The following ATP8A2 variants were observed in gnomAD, a reference collection of about 807,000 sequenced individuals.
ATP8A2 encodes the protein ATPase phospholipid transporting 8A2.
ATP8A2 carries 100 observed loss-of-function variants against 165.6 expected under a neutral mutation model. The ratio of observed to expected loss-of-function variants is 0.60; its 90% CI spans 0.51 to 0.71. ATP8A2 has a LOEUF of 0.71. ATP8A2 is among the 30% of genes least tolerant of loss of function. ATP8A2 has a pLI of 0.00. For synonymous variants in ATP8A2, 543 were observed against 548.8 expected (o/e 0.99, Z 0.15); for missense variants, 1,227 against 1,479.5 (o/e 0.83, Z 2.80).
chr13:25,874,420 A>G (rs1952768806), intron 33 of ATP8A2, among the ~76,000 whole-genome samples: 1 of 152,168 alleles, frequency 6.6e-6, no homozygotes, highest in Admixed American at 6.5e-5. Context: ...ACGTGCTCCT[A>G]TTGTATGTTC....
intron 1 of ATP8A2, among the ~76,000 whole-genome samples, chr13:25,415,937 T>G (rs2138079285): frequency 6.6e-6 from 1 of 152,288 alleles, no homozygotes; most frequent in South Asian, 2.1e-4. Flanking sequence ...CAAGGGATCC[T>G]TCTGCTTCAG....
intron 24 of ATP8A2, among the ~76,000 whole-genome samples, chr13:25,697,405 G>C (rs1391672005): frequency 6.6e-6 from 1 of 152,074 alleles, no homozygotes; most frequent in Non-Finnish European, 1.5e-5. Flanking sequence ...TCAGACTCCT[G>C]AGTAGCTGGG....
At chr13:25,639,155 A>G (rs2041448797) in intron 24 of ATP8A2, among the ~76,000 whole-genome samples, 1 of 152,194 alleles carries the variant, frequency 6.6e-6, no homozygotes, top group Non-Finnish European at 1.5e-5. Context: ...AACATGCCAA[A>G]TTGTAAAGAC....
At chr13:25,738,346 CCCCCCA>C (rs893301785) in intron 25 of ATP8A2, among the ~76,000 whole-genome samples, 47 of 131,652 alleles carry the variant, frequency 3.6e-4, no homozygotes, top group Middle Eastern at 8.5e-3. Flanking sequence ...CCCCTCCCCC[CCCCCCA>C]CACACACTTC....
rs762709201 is a variant in ATP8A2, at chr13:25,570,820, G to T, written c.1527G>T (p.Thr509=). ...TCACCCTTCTGGCCGTGTGCCACAC[G>T]GTTGTTCCTGAGAAGGATGGAGATA... The part of the protein sequence containing the change: ...EFLTLLAVCH[T]VVPEKDGDNI... Residue 509 remains threonine (T), a synonymous_variant, in exon 17 of 37, where the codon ACG becomes ACT. Coordinates refer to ENST00000381655, the MANE Select transcript of ATP8A2 (RefSeq NM_016529.6). 1 of 1,613,730 alleles carries T rather than the reference G, an allele frequency of 6.2e-7. No individual in the cohort carries two copies. The highest frequency in any genetic ancestry group is 1.1e-5 in the South Asian group (1 of 91,030).
chr13:25,526,894 G>T (rs566617542), intron 2 of ATP8A2, among the ~76,000 whole-genome samples: 398 of 152,288 alleles, frequency 2.6e-3, no homozygotes, highest in African/African-American at 9.4e-3. Flanking sequence ...TGGGGAAGCT[G>T]CCCGTCACCT....
chr13:25,858,449 C>T (rs999766147), intron 30 of ATP8A2, among the ~76,000 whole-genome samples: 11 of 152,154 alleles, frequency 7.2e-5, no homozygotes, highest in African/African-American at 2.4e-4. Flanking sequence ...GCAGCGGGGC[C>T]TCCGTTTAGT....
At chr13:25,547,107 G>A (rs1177994676) in intron 10 of ATP8A2, among the ~76,000 whole-genome samples, 1 of 151,984 alleles carries the variant, frequency 6.6e-6, no homozygotes, top group African/African-American at 2.4e-5. Context: ...TCCAGCCTGG[G>A]TGACAGAGCC....
intron 24 of ATP8A2, among the ~76,000 whole-genome samples, chr13:25,631,046 T>C (rs1266994740): frequency 4.6e-5 from 7 of 152,198 alleles, no homozygotes; most frequent in Non-Finnish European, 8.8e-5. Context: ...TCTTGAGTTG[T>C]TGACTGTGGG....
chr13:25,720,783 C>T (rs1593247162), intron 25 of ATP8A2, among the ~76,000 whole-genome samples: 1 of 152,252 alleles, frequency 6.6e-6, no homozygotes, highest in East Asian at 1.9e-4. Context: ...TTCATTCAGC[C>T]TTCAGCAATC....
intron 25 of ATP8A2, among the ~76,000 whole-genome samples, chr13:25,736,876 G>A (rs1490674246): frequency 6.6e-6 from 1 of 152,194 alleles, no homozygotes. Context: ...ACCAGCGATT[G>A]TAGAGTACAA....
At chr13:25,646,189 T>G (rs186559016) in intron 24 of ATP8A2, among the ~76,000 whole-genome samples, 1 of 152,166 alleles carries the variant, frequency 6.6e-6, no homozygotes, top group East Asian at 1.9e-4. Flanking sequence ...CTTTTTCTAG[T>G]TTTTTACTTA....
At chr13:25,459,130 T>C (rs1313455247) in intron 1 of ATP8A2, among the ~76,000 whole-genome samples, 2 of 152,192 alleles carry the variant, frequency 1.3e-5, no homozygotes, top group African/African-American at 2.4e-5. Flanking sequence ...CTACCCTCCA[T>C]GGATCCAGCA....
intron 1 of ATP8A2, among the ~76,000 whole-genome samples, chr13:25,395,698 G>C (rs2033398305): frequency 6.6e-6 from 1 of 152,078 alleles, no homozygotes; most frequent in Non-Finnish European, 1.5e-5. Context: ...ACCATGCTTG[G>C]CTAATTTTTG....
At chr13:25,849,322 G>A (rs149660974) in intron 30 of ATP8A2, among the ~76,000 whole-genome samples, 98 of 152,256 alleles carry the variant, frequency 6.4e-4, no homozygotes, top group Middle Eastern at 3.4e-3. Context: ...GTTAAACGCC[G>A]TCTCTTCTGA....
chr13:25,671,025 C>T (rs2042251714), intron 24 of ATP8A2, among the ~76,000 whole-genome samples: 1 of 152,220 alleles, frequency 6.6e-6, no homozygotes, highest in Admixed American at 6.5e-5. Flanking sequence ...AAGTCAGGGA[C>T]CCCAAACGGA....
intron 1 of ATP8A2, among the ~76,000 whole-genome samples, chr13:25,435,928 TGTG>T (rs2034750642): frequency 4.6e-5 from 1 of 21,510 alleles, no homozygotes; most frequent in African/African-American, 9.8e-5. Context: ...TGTGTGTGTG[TGTG>T]AGTGTGTGTG....
intron 27 of ATP8A2, among the ~76,000 whole-genome samples, chr13:25,818,721 A>G (rs1951088226): frequency 6.6e-6 from 1 of 152,210 alleles, no homozygotes; most frequent in East Asian, 1.9e-4. Flanking sequence ...ATGCTCTTTT[A>G]GTGAGCTTTT....
intron 24 of ATP8A2, chr13:25,591,391 G>A (rs1593600458): frequency 1.1e-5 from 5 of 456,466 alleles, no homozygotes; most frequent in South Asian, 6.2e-5. Context: ...CCTCGTGTAA[G>A]TTCAATCATA....
Sources: allele counts gnomAD v4.1 joint callset (sites outside exome capture counted in the v4.1 genomes callset), GRCh38; gene constraint gnomAD v4.1.1; transcripts MANE v1.5; gene names NCBI Gene and HGNC (gene_info 2026-07-23, HGNC 2026-07-21).